CELSR1: variants seen among roughly 807,000 people sequenced by gnomAD.
CELSR1 encodes the protein adhesion G protein-coupled receptor C1.
Under a neutral mutation model 249.1 loss-of-function variants are expected in CELSR1, and 110 were observed. The ratio of observed to expected loss-of-function variants is 0.44; its 90% CI spans 0.38 to 0.52. The LOEUF is 0.52. Ranked by LOEUF, CELSR1 falls within the 20% of genes least tolerant of loss-of-function variation. CELSR1 has a pLI of 0.00. For missense variants in CELSR1, 4,109 were observed against 4,296.4 expected (o/e 0.96, Z 1.22); for synonymous variants, 2,113 against 1,900.0 (o/e 1.11, Z -2.92).
At chr22:46,403,319 CG>C (rs1469358673) in intron 9 of CELSR1, among the ~76,000 whole-genome samples, 21 of 150,920 alleles carry the variant, frequency 1.4e-4, no homozygotes, top group Admixed American at 1.4e-3. Context: ...GAGGCTGAGG[CG>C]GGTGGATCAC....
At position 46,436,107 on chromosome 22, in the gene CELSR1, G is replaced by A. The variant is rs918963337; in HGVS notation, c.4522+67C>T. ...GCTTGGAGGCGCTGCACAGGGCGAGGGTCGTTTTAACCCACAAAGTATCTG... is the reference window on the plus strand; with the variant it reads ...GCTTGGAGGCGCTGCACAGGGCGAGAGTCGTTTTAACCCACAAAGTATCTG... On this transcript the variant is annotated intron_variant, in intron 4 of 34. Transcript: ENST00000674500. This position sits in a 1 kb window ranked among gnomAD's most constrained non-coding sequence, Gnocchi z 5.9. The A allele has an allele frequency of 1.6e-6, 2 of 1,259,198 alleles. No individual in the cohort carries two copies. Among genetic ancestry groups the A allele is most frequent in the East Asian group, 4.6e-5 (2 of 43,122 alleles). The allele number at this position is 1,259,198 out of a possible 1,614,324, so 78.0% of individuals were successfully genotyped here. A position where few individuals can be genotyped will look rare whatever the true frequency, so the allele number is the denominator to read the frequency against.
intron 2 of CELSR1, among the ~76,000 whole-genome samples, chr22:46,457,064 G>A (rs1333113569): frequency 1.3e-5 from 2 of 152,170 alleles, no homozygotes; most frequent in East Asian, 1.9e-4. Flanking sequence ...CGACACTCCC[G>A]AAGTCCACGT....
intron 1 of CELSR1, chr22:46,481,742 T>G: frequency 4.1e-6 from 2 of 493,278 alleles, no homozygotes; most frequent in Non-Finnish European, 7.4e-6. Context: ...AGCTCCCCAG[T>G]GGCAACCCTG....
rs771908541 is a variant in CELSR1, at chr22:46,398,622, C to T, written c.5428G>A (p.Gly1810Arg). The change falls in exon 11 of 35, where the codon GGG (glycine) becomes AGG (arginine). Residue 1810 changes from glycine to arginine, a missense_variant. By Grantham distance (125) the Gly-to-Arg change is moderately radical. Around this residue, in one of 7 missense-constraint regions of CELSR1, gnomAD observed 1,805 missense variants for 1,831.6 expected, o/e 0.99. Transcript: ENST00000674500. This position sits in a 1 kb window ranked among gnomAD's most constrained non-coding sequence, Gnocchi z 7.2. Reference sequence around the variant, plus strand: ...ACCGTCAGCCCGGGAAGCATGCCCCCGATATCTGCCTTGTTCTGTGCGGAG... The same window carrying T: ...ACCGTCAGCCCGGGAAGCATGCCCCTGATATCTGCCTTGTTCTGTGCGGAG... ...YGMDQNKADI[G>R]GMLPGLTVRS... 8 of 1,613,692 alleles carry T rather than the reference C, an allele frequency of 5.0e-6. No homozygotes were observed. Among genetic ancestry groups the T allele is most frequent in the Middle Eastern group, 1.6e-4 (1 of 6,082 alleles).
At chr22:46,515,596 C>T (rs1789066229) in intron 1 of CELSR1, among the ~76,000 whole-genome samples, 1 of 152,124 alleles carries the variant, frequency 6.6e-6, no homozygotes, top group Admixed American at 6.5e-5. Context: ...AGGACACAGC[C>T]AATAGGACGG....
chr22:46,424,475 C>T (rs957981488), intron 5 of CELSR1, among the ~76,000 whole-genome samples: 6 of 152,150 alleles, frequency 3.9e-5, no homozygotes, highest in Admixed American at 1.3e-4. Context: ...GTACCCCTTA[C>T]AGTTTCCATC....
rs746749525 is a variant in CELSR1, at chr22:46,536,023, G to A, written c.1148C>T (p.Pro383Leu). The A allele has an allele frequency of 6.2e-7, 1 of 1,610,454 alleles. No homozygotes were observed. The highest frequency in any genetic ancestry group is 8.5e-7 in the Non-Finnish European group (1 of 1,179,910). ...GCGGTAACGCAAGTTGGCGTTGATG[G>A]GCGAGTCGCGGTCGCTGGCGCGGAT... The part of the protein sequence containing the change: ...LTIRASDRDS[P>L]INANLRYRVL... The change falls in exon 1 of 35, where the codon CCC (proline) becomes CTC (leucine). Residue 383 changes from proline to leucine, a missense_variant. Pro to Leu is a moderately conservative substitution (Grantham distance 98). Around this residue, in one of 7 missense-constraint regions of CELSR1, gnomAD observed 673 missense variants for 636.8 expected, o/e 1.06. Transcript: ENST00000674500.
In CELSR1 at chr22:46,366,464, T is replaced by G. The variant is rs753600009; in HGVS notation, c.8222A>C (p.Asn2741Thr). The change falls in exon 30 of 35, where the codon AAC (asparagine) becomes ACC (threonine). Residue 2741 changes from asparagine (N) to threonine (T), a missense_variant. Physicochemically the swap from Asn to Thr is moderately conservative, Grantham distance 65 (BLOSUM62 0). This residue lies in a region of CELSR1 where 1,805 missense variants were observed against 1,831.6 expected (regional missense o/e 0.99). Coordinates refer to ENST00000674500, the MANE Select transcript of CELSR1 (RefSeq NM_001378328.1). ...ATLLTRSLNC[N>T]TTFGDGPDML... ...GTCAGGCCCGTCACCGAAGGTGGTG[T>G]TGCAGTTGAGGGAGCGCTGAAGGGA... is the stretch of plus-strand genomic sequence containing the variant. 1.3e-6 allele frequency: 2 copies of G among 1,550,292 alleles called. No homozygotes were observed. The highest frequency in any genetic ancestry group is 1.2e-5 in the South Asian group (1 of 84,050).
rs1482153118 is a variant in CELSR1, at chr22:46,385,919, C to T, written c.6739+483G>A. 4.0e-5 allele frequency among the ~76,000 whole-genome samples: 6 copies of T among 151,230 alleles called. No individual in the cohort carries two copies. The South Asian group carries it at 6.2e-4, about 16-fold the overall frequency. ...GTCTTGATCTCCTGACCCTGTGATC[C>T]GCCCACCTTGGCCTCCCAAATTGCT... On this transcript the variant is annotated intron_variant, in intron 19 of 34. Coordinates refer to ENST00000674500, the MANE Select transcript of CELSR1 (RefSeq NM_001378328.1).
intron 20 of CELSR1, 126 bp downstream of exon 20, chr22:46,384,417 G>A (rs1222070163): frequency 8.7e-6 from 10 of 1,146,502 alleles, no homozygotes; most frequent in Non-Finnish European, 1.2e-5. Context: ...CCTGGCACCA[G>A]AGAGCACTCG....
chr22:46,369,815 C>A lies in CELSR1; in HGVS notation c.7760-11G>T. 2 of 1,610,970 alleles carry A rather than the reference C, an allele frequency of 1.2e-6. No homozygotes were observed. Among genetic ancestry groups the A allele is most frequent in the Non-Finnish European group, 1.7e-6 (2 of 1,178,550 alleles). On this transcript the variant is annotated splice_polypyrimidine_tract_variant and intron_variant, in intron 25 of 34. Transcript: ENST00000674500. ...GGCCGACCGCCAGTCCTGAACACAG[C>A]GGGGAGGAAGGGAAGGGTGAGGGCC... is the stretch of plus-strand genomic sequence containing the variant.
intron 5 of CELSR1, among the ~76,000 whole-genome samples, chr22:46,426,628 T>C (rs1335593305): frequency 1.3e-5 from 2 of 152,168 alleles, no homozygotes; most frequent in African/African-American, 2.4e-5. Context: ...GGGGGTGCTA[T>C]GGTCTGAAGT....
In CELSR1 at chr22:46,391,507, G is replaced by T; in HGVS notation, c.6148+126C>A. 1 of 1,184,910 alleles carries T rather than the reference G, an allele frequency of 8.4e-7. No homozygotes were observed. The highest frequency in any genetic ancestry group is 1.1e-6 in the Non-Finnish European group (1 of 869,724). 73.4% of individuals were successfully genotyped at this position (1,184,910 alleles called of 1,614,324 possible). On this transcript the variant is annotated intron_variant, in intron 15 of 34. Coordinates refer to ENST00000674500, the MANE Select transcript of CELSR1 (RefSeq NM_001378328.1). The surrounding 1 kb of genome is among the most constrained non-coding windows in gnomAD (Gnocchi z 4.3). Reference sequence around the variant, plus strand: ...CAGAACCAGGTTTCTAGAAGGTCAAGAGAACTCAGAACACGAGGGAGCCCA... The same window carrying T: ...CAGAACCAGGTTTCTAGAAGGTCAATAGAACTCAGAACACGAGGGAGCCCA...
In CELSR1 at chr22:46,423,453, A is replaced by G. The variant is rs2079501300; in HGVS notation, c.4611+9940T>C. Among the ~76,000 whole-genome samples the G allele has an allele frequency of 6.6e-6, 1 of 151,830 alleles. No homozygotes were observed. The highest frequency in any genetic ancestry group is 1.5e-5 in the Non-Finnish European group (1 of 67,974). On this transcript the variant is annotated intron_variant, in intron 5 of 34. Coordinates refer to ENST00000674500, the MANE Select transcript of CELSR1 (RefSeq NM_001378328.1). This position sits in a 1 kb window ranked among gnomAD's most constrained non-coding sequence, Gnocchi z 5.6. ...AAACCCCGTCTCTACTAAAAATACA[A>G]AATTAGCCGGGCGTGGTGGTGCAGG...
Position 46,363,194 on chromosome 22 carries a change from G to A in CELSR1, c.*29C>T, listed in dbSNP as rs758077807. The stretch of plus-strand genomic sequence containing the variant: ...GGGCTTGCCTCACGGTTTCCTGATG[G>A]TTCAAATTGAAGTTTCATTACTGAT... On this transcript the variant is annotated 3_prime_UTR_variant, in exon 35 of 35. Transcript: ENST00000674500. The surrounding 1 kb of genome is among the most constrained non-coding windows in gnomAD (Gnocchi z 4.3). 2 of 1,579,098 alleles carry A rather than the reference G, an allele frequency of 1.3e-6. No individual in the cohort carries two copies. The highest frequency in any genetic ancestry group is 2.2e-5 in the South Asian group (2 of 90,976).
At chr22:46,372,795 G>C in intron 25 of CELSR1, 88 bp downstream of exon 25, 2 of 1,474,732 alleles carry the variant, frequency 1.4e-6, no homozygotes, top group Non-Finnish European at 1.8e-6. Flanking sequence ...GGGCTGGGCA[G>C]GGAAGAGAAA....
At chr22:46,384,798 A>T in intron 19 of CELSR1, 112 bp from the exon 20 acceptor site, 1 of 1,228,450 alleles carries the variant, frequency 8.1e-7, no homozygotes, top group Non-Finnish European at 1.1e-6. Context: ...ATATTTATTT[A>T]TTTATTTTTG....
chr22:46,443,451 C>T (rs911997816), intron 2 of CELSR1, among the ~76,000 whole-genome samples: 7 of 152,204 alleles, frequency 4.6e-5, no homozygotes, highest in Non-Finnish European at 7.4e-5. Context: ...CCTAGACCCT[C>T]ATCCAGGCTC....
At position 46,536,121 on chromosome 22, in the gene CELSR1, G is replaced by A; in HGVS notation, c.1050C>T (p.Ser350=). Reference sequence around the variant, plus strand: ...GGTACTCCGACTGCTCGAAGACCGGGCTGTGGTCGTTGGTGTCTTTGACCA... The same window carrying A: ...GGTACTCCGACTGCTCGAAGACCGGACTGTGGTCGTTGGTGTCTTTGACCA... ...TVLVKDTNDH[S]PVFEQSEYRE... The change falls in exon 1 of 35, where the codon AGC becomes AGT. Residue 350 remains serine, a synonymous_variant. Transcript: ENST00000674500. 1 of 1,612,672 alleles carries A rather than the reference G, an allele frequency of 6.2e-7. No individual in the cohort carries two copies. The highest frequency in any genetic ancestry group is 8.5e-7 in the Non-Finnish European group (1 of 1,180,002).
Sources: gnomAD v4.1 joint callset for allele counts (sites outside exome capture counted in the v4.1 genomes callset) on GRCh38, gnomAD v4.1.1 for gene constraint, gnomAD v4.1.1 regional missense constraint, Gnocchi (gnomAD v3.1) non-coding constraint, MANE v1.5 for transcripts, NCBI Gene and HGNC (gene_info 2026-07-23, HGNC 2026-07-21) for gene names.